DNM3: variants seen among roughly 807,000 people sequenced by gnomAD.
DNM3 encodes dynamin-3.
Under a neutral mutation model 101.6 loss-of-function variants are expected in DNM3, and 47 were observed. The observed-to-expected ratio is 0.46, with a 90% confidence interval of 0.37 to 0.59. DNM3 has a LOEUF of 0.59. Among genes scored for constraint, DNM3 ranks in the 20% least tolerant of loss-of-function variants. The pLI is 0.00. For synonymous variants in DNM3, 385 were observed against 387.9 expected (o/e 0.99, Z 0.09); for missense variants, 849 against 1,085.7 (o/e 0.78, Z 3.06).
At position 171,841,703 on chromosome 1, in the gene DNM3, T is replaced by C. The variant is rs776921771; in HGVS notation, c.47T>C (p.Leu16Pro). 6.2e-7 allele frequency: 1 copy of C among 1,612,040 alleles called. No individual in the cohort carries two copies. Among genetic ancestry groups the C allele is most frequent in the Non-Finnish European group, 8.5e-7 (1 of 1,179,424 alleles). The change falls in exon 1 of 21, where the codon CTG becomes CCG. Residue 16 changes from leucine (L) to proline (P), a missense_variant. Around this residue, in one of 5 missense-constraint regions of DNM3, gnomAD observed 388 missense variants for 483.0 expected, o/e 0.80. Coordinates refer to ENST00000627582, the MANE Select transcript of DNM3 (RefSeq NM_015569.5). Reference protein sequence around the residue: ...MEELIPLVNRLQDAFSALGQS... With the variant: ...MEELIPLVNRPQDAFSALGQS... ...GAGCTGATCCCGCTGGTGAACCGTC[T>C]GCAGGACGCGTTTTCGGCGCTGGGA...
At chr1:172,145,320 G>C (rs1330991616) in intron 14 of DNM3, among the ~76,000 whole-genome samples, 5 of 149,072 alleles carry the variant, frequency 3.4e-5, no homozygotes, top group East Asian at 4.0e-4. Flanking sequence ...CTGTCTGTCT[G>C]TCTGTCTCTC....
intron 13 of DNM3, chr1:172,093,672 G>A (rs999318010): frequency 9.4e-6 from 15 of 1,598,888 alleles, no homozygotes; most frequent in Non-Finnish European, 2.6e-6. Flanking sequence ...CTGAACTAAA[G>A]CATATAATTC....
chr1:172,245,955 AGCATGACTG>A (rs1174544546), intron 14 of DNM3, among the ~76,000 whole-genome samples: 1 of 152,204 alleles, frequency 6.6e-6, no homozygotes, highest in Admixed American at 6.5e-5. Flanking sequence ...CTGAACAGGA[AGCATGACTG>A]GGAGGCCTCA....
At chr1:171,847,294 C>A (rs1017741322) in intron 1 of DNM3, among the ~76,000 whole-genome samples, 1 of 152,052 alleles carries the variant, frequency 6.6e-6, no homozygotes, top group Non-Finnish European at 1.5e-5. Context: ...CCCTGAAAAA[C>A]TACAGTTCTG....
chr1:172,225,197 G>A (rs1168310235), intron 14 of DNM3, among the ~76,000 whole-genome samples: 6 of 133,296 alleles, frequency 4.5e-5, no homozygotes, highest in African/African-American at 1.8e-4. Context: ...GGAGTGCAGT[G>A]GCACTATCTT....
intron 12 of DNM3, among the ~76,000 whole-genome samples, chr1:172,082,976 C>T (rs1171350436): frequency 6.6e-6 from 1 of 152,234 alleles, no homozygotes; most frequent in Non-Finnish European, 1.5e-5. Flanking sequence ...CTGTGGCATA[C>T]GTGTATTCTT....
intron 15 of DNM3, among the ~76,000 whole-genome samples, chr1:172,264,317 A>G (rs1229600369): frequency 6.6e-6 from 1 of 152,166 alleles, no homozygotes; most frequent in Non-Finnish European, 1.5e-5. Context: ...GGACTTACCC[A>G]TGTCAGTTTA....
chr1:172,063,775 CA>C (rs11317272), intron 10 of DNM3, among the ~76,000 whole-genome samples: 65,471 of 87,872 alleles, frequency 0.75, 22,991 homozygotes, highest in Admixed American at 0.8. Context: ...GAGACTTTGT[CA>C]AAAAAAAAAA....
At chr1:171,905,034 T>C (rs1156511358) in intron 1 of DNM3, among the ~76,000 whole-genome samples, 1 of 152,210 alleles carries the variant, frequency 6.6e-6, no homozygotes, top group African/African-American at 2.4e-5. Flanking sequence ...ATATCTGATA[T>C]TTAGATTTCT....
At chr1:172,309,190 T>C (rs1415167200) in intron 16 of DNM3, 1 of 199,748 alleles carries the variant, frequency 5.0e-6, no homozygotes, top group Non-Finnish European at 1.0e-5. Context: ...CAGTATATCA[T>C]CAATCATAAC....
intron 1 of DNM3, among the ~76,000 whole-genome samples, chr1:171,854,016 A>G (rs934428130): frequency 4.6e-5 from 7 of 152,348 alleles, no homozygotes; most frequent in Non-Finnish European, 1.0e-4. Flanking sequence ...TGAGTAGAGC[A>G]TATTTTATGA....
intron 14 of DNM3, among the ~76,000 whole-genome samples, chr1:172,208,482 G>A (rs1389519862): frequency 6.6e-6 from 1 of 152,040 alleles, no homozygotes; most frequent in Non-Finnish European, 1.5e-5. Flanking sequence ...TCAATCAGTT[G>A]AAGGCTAAGT....
At chr1:171,897,883 A>G (rs1395509091) in intron 1 of DNM3, among the ~76,000 whole-genome samples, 1 of 151,998 alleles carries the variant, frequency 6.6e-6, no homozygotes, top group Non-Finnish European at 1.5e-5. Flanking sequence ...GATAAATGCT[A>G]TCAAAAAGGA....
intron 2 of DNM3, among the ~76,000 whole-genome samples, chr1:171,957,750 C>T (rs1269799422): frequency 6.6e-6 from 1 of 152,140 alleles, no homozygotes; most frequent in Non-Finnish European, 1.5e-5. Flanking sequence ...ACTCCAGTTC[C>T]CAACAAGTTC....
At chr1:172,400,174 G>C (rs918358662) in intron 20 of DNM3, among the ~76,000 whole-genome samples, 1 of 151,838 alleles carries the variant, frequency 6.6e-6, no homozygotes, top group South Asian at 2.1e-4. Context: ...TCTCAGAAGC[G>C]GACACTTGCC....
chr1:172,285,236 T>G (rs2063652800), intron 15 of DNM3, among the ~76,000 whole-genome samples: 1 of 152,078 alleles, frequency 6.6e-6, no homozygotes, highest in African/African-American at 2.4e-5. Context: ...TTTTAAAAAC[T>G]GTCAGTTCAC....
chr1:171,930,806 C>A (rs187988218), intron 2 of DNM3, among the ~76,000 whole-genome samples: 139 of 152,328 alleles, frequency 9.1e-4, no homozygotes, highest in African/African-American at 3.1e-3. Context: ...CCTTCTGTGC[C>A]TCTCCATGAG....
chr1:172,339,195 C>A, intron 17 of DNM3: 1 of 309,662 alleles, frequency 3.2e-6, no homozygotes, highest in South Asian at 3.0e-5. Context: ...CTACCTCTAA[C>A]TAAATTTCAT....
chr1:172,224,268 A>G lies in DNM3; in HGVS notation c.1660-29305A>G, dbSNP rs1408580210. ...GCCCCTTTCATATAGTGAATCCTCA[A>G]TGCACTTAATGAATTTTAGTACATT... On this transcript the variant is annotated intron_variant, in intron 14 of 20. Coordinates refer to ENST00000627582, the MANE Select transcript of DNM3 (RefSeq NM_015569.5). Among the ~76,000 whole-genome samples, 5 of 152,196 alleles carry G rather than the reference A, an allele frequency of 3.3e-5. 1 individual carries two copies. The highest frequency in any genetic ancestry group is 3.3e-4 in the Admixed American group (5 of 15,272).
Sources: gnomAD v4.1 joint callset for allele counts (sites outside exome capture counted in the v4.1 genomes callset) on GRCh38, gnomAD v4.1.1 for gene constraint, gnomAD v4.1.1 regional missense constraint, MANE v1.5 for transcripts, NCBI Gene and HGNC (gene_info 2026-07-23, HGNC 2026-07-21) for gene names.